Variants in MTA3 observed in about 807,000 individuals in gnomAD.
MTA3 encodes metastasis-associated protein MTA3.
MTA3 carries 34 observed loss-of-function variants against 83.5 expected under a neutral mutation model. That is an observed-to-expected ratio of 0.41 (90% confidence interval 0.31 to 0.54). MTA3 has a LOEUF of 0.54. Ranked by LOEUF, MTA3 falls within the 20% of genes least tolerant of loss-of-function variation. The pLI is 0.33. For synonymous variants in MTA3, 303 were observed against 252.7 expected, an observed-to-expected ratio of 1.20 and a Z score of -1.89; for missense variants, 761 against 726.4, an observed-to-expected ratio of 1.05 and a Z score of -0.55.
chr2:42,697,682 T>C, intron 10 of MTA3, 94 bp from the exon 11 acceptor site: 1 of 852,500 alleles, frequency 1.2e-6, no homozygotes. Flanking sequence ...TGAATTACAC[T>C]TTAATACGTA....
chr2:42,691,000 C>A (rs1692842558), intron 9 of MTA3, among the ~76,000 whole-genome samples: 1 of 152,058 alleles, frequency 6.6e-6, no homozygotes, highest in South Asian at 2.1e-4. Flanking sequence ...CCTCAGCCTC[C>A]CAAGTAGCTG....
At chr2:42,622,662 AT>A (rs940406392) in intron 4 of MTA3, among the ~76,000 whole-genome samples, 254 of 142,198 alleles carry the variant, frequency 1.8e-3, no homozygotes, top group African/African-American at 1.8e-3. Flanking sequence ...ATTTTTGCCT[AT>A]TTTTTTTTTT....
At chr2:42,672,352 A>G (rs1690879924) in intron 8 of MTA3, among the ~76,000 whole-genome samples, 1 of 151,700 alleles carries the variant, frequency 6.6e-6, no homozygotes, top group South Asian at 2.1e-4. Context: ...TTAAAAAAAA[A>G]AAAAAATAGG....
intron 15 of MTA3, among the ~76,000 whole-genome samples, chr2:42,721,632 G>A (rs1452431812): frequency 1.3e-5 from 2 of 152,174 alleles, no homozygotes; most frequent in African/African-American, 4.8e-5. Flanking sequence ...CCTGGCCAAT[G>A]AGGGAATTTT....
intron 9 of MTA3, among the ~76,000 whole-genome samples, chr2:42,684,530 A>G (rs937574219): frequency 1.3e-5 from 2 of 152,214 alleles, no homozygotes; most frequent in Admixed American, 6.5e-5. Context: ...TTAGCTTCAG[A>G]TGGTCAGAAT....
intron 16 of MTA3, among the ~76,000 whole-genome samples, chr2:42,752,907 G>A (rs1669989201): frequency 6.6e-6 from 1 of 150,818 alleles, no homozygotes. Flanking sequence ...CTTTGATCCA[G>A]TGTTAAACTA....
At chr2:42,515,987 C>A (rs1440118715) in intron 2 of MTA3, among the ~76,000 whole-genome samples, 2 of 151,634 alleles carry the variant, frequency 1.3e-5, no homozygotes, top group Admixed American at 1.3e-4. Flanking sequence ...ACTACAGGCG[C>A]CTGCCACCAT....
chr2:42,594,728 A>ATATATATATATATATATATATTTTTT, intron 3 of MTA3, among the ~76,000 whole-genome samples: 4 of 24,032 alleles, frequency 1.7e-4, no homozygotes, highest in African/African-American at 4.5e-4. Flanking sequence ...ATATATATAT[A>ATATATATATATATATATATATTTTTT]TTTTTTTTTT....
chr2:42,730,322 T>G (rs1668152257), intron 16 of MTA3, among the ~76,000 whole-genome samples: 2 of 152,234 alleles, frequency 1.3e-5, no homozygotes, highest in Non-Finnish European at 2.9e-5. Flanking sequence ...TTTCAGCTTT[T>G]CCCTGTTCAG....
chr2:42,516,384 C>T (rs1025036656), intron 2 of MTA3, among the ~76,000 whole-genome samples: 2 of 152,098 alleles, frequency 1.3e-5, no homozygotes, highest in African/African-American at 4.8e-5. Context: ...TTATTAAGCG[C>T]AGAAAATGGA....
chr2:42,732,723 T>G (rs192439473), intron 16 of MTA3, among the ~76,000 whole-genome samples: 3 of 152,328 alleles, frequency 2.0e-5, no homozygotes, highest in Admixed American at 2.0e-4. Flanking sequence ...CTTTTAAAAC[T>G]GAATGCAGTA....
chr2:42,539,502 T>A (rs566723272), intron 2 of MTA3, among the ~76,000 whole-genome samples: 34 of 150,368 alleles, frequency 2.3e-4, no homozygotes, highest in African/African-American at 7.6e-4. Flanking sequence ...TCTCACCACA[T>A]GCGGGGATTA....
At chr2:42,701,634 G>T (rs1665567523) in intron 11 of MTA3, among the ~76,000 whole-genome samples, 2 of 152,010 alleles carry the variant, frequency 1.3e-5, no homozygotes, top group African/African-American at 2.4e-5. Context: ...CCAATTTGTT[G>T]GCTGGGCACA....
Position 42,633,252 on chromosome 2 carries a change from A to G in MTA3, c.318-6921A>G, listed in dbSNP as rs1342643908. On this transcript the variant is annotated intron_variant, in intron 4 of 16. Transcript: ENST00000405094. Reference sequence around the variant, plus strand: ...CGAGATCGCACCACTGTATTCCAGCATGGTGACCGAGTGAAAGTCTGTCTC... The same window carrying G: ...CGAGATCGCACCACTGTATTCCAGCGTGGTGACCGAGTGAAAGTCTGTCTC... 5.9e-5 allele frequency among the ~76,000 whole-genome samples: 9 copies of G among 151,706 alleles called. No homozygotes were observed. The East Asian group carries it at 1.8e-3, about 30-fold the overall frequency.
intron 2 of MTA3, among the ~76,000 whole-genome samples, chr2:42,522,262 ACTTGCTG>A (rs1675465342): frequency 6.6e-6 from 1 of 152,192 alleles, no homozygotes; most frequent in Admixed American, 6.6e-5. Context: ...CTCAGGGGTT[ACTTGCTG>A]TAGAATGTGA....
chr2:42,497,820 T>A (rs1370806405), intron 2 of MTA3, among the ~76,000 whole-genome samples: 1 of 152,206 alleles, frequency 6.6e-6, no homozygotes, highest in Non-Finnish European at 1.5e-5. Context: ...ACATCTCACT[T>A]CATGTATGCT....
chr2:42,613,990 CATT>C (rs1472079401), intron 4 of MTA3: 8 of 152,174 alleles, frequency 5.3e-5, no homozygotes, highest in Admixed American at 3.3e-4. Flanking sequence ...ATGTTGCAAA[CATT>C]ATTAAGCACT....
intron 3 of MTA3, among the ~76,000 whole-genome samples, chr2:42,603,676 G>A (rs972840931): frequency 6.6e-6 from 1 of 152,172 alleles, no homozygotes; most frequent in Non-Finnish European, 1.5e-5. Flanking sequence ...TGTACTTTAA[G>A]GTAAGATTTC....
At chr2:42,738,955 C>G (rs1160516515) in intron 16 of MTA3, among the ~76,000 whole-genome samples, 1 of 152,178 alleles carries the variant, frequency 6.6e-6, no homozygotes, top group Non-Finnish European at 1.5e-5. Context: ...AAGATGTTAT[C>G]AATGACAATG....
Sources: allele counts gnomAD v4.1 joint callset (sites outside exome capture counted in the v4.1 genomes callset), GRCh38; gene constraint gnomAD v4.1.1; transcripts MANE v1.5; gene names NCBI Gene and HGNC (gene_info 2026-07-23, HGNC 2026-07-21).